Variants in DSCAM observed in about 807,000 individuals in gnomAD.
DSCAM encodes the protein DS cell adhesion molecule.
Under a neutral mutation model 217.7 loss-of-function variants are expected in DSCAM, and 47 were observed. The observed-to-expected ratio is 0.22, with a 90% CI of 0.17 to 0.28. The LOEUF (loss-of-function observed/expected upper bound fraction) is 0.28, where lower values mean the gene tolerates loss of function less well. Ranked by LOEUF, DSCAM falls within the 10% of genes least tolerant of loss-of-function variation. DSCAM has a pLI of 1.00. For missense variants in DSCAM, 2,080 were observed against 2,618.3 expected, an observed-to-expected ratio of 0.79 and a Z score of 4.49; for synonymous variants, 1,056 against 1,015.3, an observed-to-expected ratio of 1.04 and a Z score of -0.76.
At chr21:40,214,663 C>T (rs2091222979) in intron 11 of DSCAM, among the ~76,000 whole-genome samples, 1 of 145,490 alleles carries the variant, frequency 6.9e-6, no homozygotes. Flanking sequence ...AAGAGATTTC[C>T]AGCAAATGGA....
At chr21:40,477,414 C>A (rs1327277858) in intron 3 of DSCAM, among the ~76,000 whole-genome samples, 1 of 152,016 alleles carries the variant, frequency 6.6e-6, no homozygotes, top group South Asian at 2.1e-4. Context: ...TTTTTCTGAT[C>A]GTCTTTTCTA....
At chr21:40,577,021 A>C (rs898545908) in intron 3 of DSCAM, among the ~76,000 whole-genome samples, 4 of 151,614 alleles carry the variant, frequency 2.6e-5, no homozygotes, top group Admixed American at 2.6e-4. Context: ...ATAAGATGCA[A>C]ATTGGAAAGG....
At chr21:40,231,039 T>C (rs1378360756) in intron 11 of DSCAM, among the ~76,000 whole-genome samples, 4 of 150,428 alleles carry the variant, frequency 2.7e-5, no homozygotes, top group African/African-American at 9.8e-5. Flanking sequence ...ACTTAGATCA[T>C]ATAGGTAGGC....
At chr21:40,843,385 T>A (rs1309595569) in intron 1 of DSCAM, among the ~76,000 whole-genome samples, 2 of 151,616 alleles carry the variant, frequency 1.3e-5, no homozygotes, top group Non-Finnish European at 2.9e-5. Flanking sequence ...TGTGTGTGTG[T>A]GTGTGTGTGT....
intron 3 of DSCAM, among the ~76,000 whole-genome samples, chr21:40,465,548 G>C (rs1344823367): frequency 6.6e-6 from 1 of 152,122 alleles, no homozygotes; most frequent in Non-Finnish European, 1.5e-5. Flanking sequence ...ATTTCCTTTA[G>C]AGCACGCATG....
In DSCAM at chr21:40,805,249, C is replaced by A. The variant is rs554011678; in HGVS notation, c.43+41370G>T. 2.6e-5 allele frequency among the ~76,000 whole-genome samples: 4 copies of A among 152,326 alleles called. No homozygotes were observed. The East Asian group carries it at 7.7e-4, about 29-fold the overall frequency. ...AGTATCTCTTAAAATCTGGCCACTG[C>A]CAACTTTCCTAGCTCTCTCTTGTAT... is the stretch of plus-strand genomic sequence containing the variant. On this transcript the variant is annotated intron_variant, in intron 1 of 32. Coordinates refer to ENST00000400454, the MANE Select transcript of DSCAM (RefSeq NM_001389.5).
Position 40,339,141 on chromosome 21 carries a change from G to A in DSCAM, c.1485C>T (p.Tyr495=), listed in dbSNP as rs539359137. Residue 495 remains tyrosine, a synonymous_variant, in exon 7 of 33, where the codon TAC becomes TAT. Transcript: ENST00000400454. The part of the protein sequence containing the change: ...TANNSAGVVL[Y]QARINVRGPA... ...CACCTCTTACGTTTATTCGAGCCTG[G>A]TACAGGACGACTCCCGCCGAGTTGT... 26 of 1,614,084 alleles carry A rather than the reference G, an allele frequency of 1.6e-5. No individual in the cohort carries two copies. The East Asian group carries it at 5.3e-4, about 33-fold the overall frequency.
intron 3 of DSCAM, among the ~76,000 whole-genome samples, chr21:40,659,732 C>T (rs915767524): frequency 6.6e-6 from 1 of 152,154 alleles, no homozygotes; most frequent in Non-Finnish European, 1.5e-5. Flanking sequence ...CCATCCACCC[C>T]ATTAGGCTGT....
intron 30 of DSCAM, among the ~76,000 whole-genome samples, chr21:40,049,067 C>T (rs2088887845): frequency 6.6e-6 from 1 of 152,188 alleles, no homozygotes; most frequent in Non-Finnish European, 1.5e-5. Context: ...GAACCAGAGA[C>T]TGATGCATGC....
At chr21:40,205,601 T>TC (rs1281885762) in intron 11 of DSCAM, among the ~76,000 whole-genome samples, 1 of 94,308 alleles carries the variant, frequency 1.1e-5, no homozygotes, top group Admixed American at 1.2e-4. Flanking sequence ...AGACTCTATC[T>TC]CAAAAAAAAA....
intron 27 of DSCAM, among the ~76,000 whole-genome samples, chr21:40,063,849 G>A (rs1568921123): frequency 6.6e-6 from 1 of 152,168 alleles, no homozygotes; most frequent in Non-Finnish European, 1.5e-5. Flanking sequence ...GTCACAGAAT[G>A]ACCACGTAGA....
chr21:40,619,120 T>A (rs1039611814), intron 3 of DSCAM, among the ~76,000 whole-genome samples: 1 of 152,034 alleles, frequency 6.6e-6, no homozygotes, highest in African/African-American at 2.4e-5. Flanking sequence ...CATACACATT[T>A]AAAAAAAGTA....
chr21:40,338,602 T>C (rs1377177116), intron 7 of DSCAM, among the ~76,000 whole-genome samples: 2 of 152,230 alleles, frequency 1.3e-5, no homozygotes, highest in Non-Finnish European at 2.9e-5. Context: ...GCTACTTCTA[T>C]GAAAATGTTT....
intron 9 of DSCAM, among the ~76,000 whole-genome samples, chr21:40,309,634 G>T (rs1320464732): frequency 6.6e-6 from 1 of 152,142 alleles, no homozygotes; most frequent in Non-Finnish European, 1.5e-5. Flanking sequence ...TTCTGCTAAA[G>T]ACACTTTCAT....
At chr21:40,695,555 C>T (rs536644318) in intron 2 of DSCAM, among the ~76,000 whole-genome samples, 37 of 152,296 alleles carry the variant, frequency 2.4e-4, no homozygotes, top group African/African-American at 8.7e-4. Flanking sequence ...GTGATCTGAA[C>T]CCCAGCTCGC....
At chr21:40,654,076 C>A (rs990006884) in intron 3 of DSCAM, among the ~76,000 whole-genome samples, 1 of 148,272 alleles carries the variant, frequency 6.7e-6, no homozygotes, top group Non-Finnish European at 1.5e-5. Flanking sequence ...GCCTGGGTGA[C>A]AGATTGAGAT....
At chr21:40,075,399 G>A (rs1012743902) in intron 26 of DSCAM, among the ~76,000 whole-genome samples, 186 bp from the exon 27 acceptor site, 4 of 152,130 alleles carry the variant, frequency 2.6e-5, no homozygotes, top group African/African-American at 9.7e-5. Flanking sequence ...CCCTCTGCCT[G>A]AACTTCCAAC....
At chr21:40,619,159 TAATATAAC>T (rs2089446135) in intron 3 of DSCAM, among the ~76,000 whole-genome samples, 1 of 152,192 alleles carries the variant, frequency 6.6e-6, no homozygotes, top group African/African-American at 2.4e-5. Flanking sequence ...GAAGTGGGGT[TAATATAAC>T]AAAAGGAAGT....
At chr21:40,424,904 GCCAACATGGTGAATCT>G (rs1475749870) in intron 3 of DSCAM, among the ~76,000 whole-genome samples, 1 of 151,954 alleles carries the variant, frequency 6.6e-6, no homozygotes, top group Non-Finnish European at 1.5e-5. Flanking sequence ...GACCAGCTTG[GCCAACATGGTGAATCT>G]CCTCATCTCT....
Sources: gnomAD v4.1 joint callset for allele counts (sites outside exome capture counted in the v4.1 genomes callset) on GRCh38, gnomAD v4.1.1 for gene constraint, MANE v1.5 for transcripts, NCBI Gene and HGNC (gene_info 2026-07-23, HGNC 2026-07-21) for gene names.